RAP1B: variants seen among roughly 807,000 people sequenced by gnomAD.
The protein encoded by RAP1B is RAP1B, member of RAS oncogene family.
RAP1B carries 1 observed loss-of-function variant against 27.5 expected under a neutral mutation model. The ratio of observed to expected loss-of-function variants is 0.04; its 90% CI spans 0.01 to 0.17. The LOEUF is 0.17. RAP1B is among the 10% of genes least tolerant of loss of function. The pLI is 1.00. For missense variants in RAP1B, 84 were observed against 214.8 expected (o/e 0.39, Z 3.81); for synonymous variants, 75 against 73.1 (o/e 1.03, Z -0.13).
intron 2 of RAP1B, 59 bp downstream of exon 2, chr12:68,648,840 T>A (rs537398845): frequency 6.9e-7 from 1 of 1,449,926 alleles, no homozygotes; most frequent in African/African-American, 1.4e-5. Flanking sequence ...TTCTGTTGAG[T>A]TTTAGGTTTT....
intron 1 of RAP1B, chr12:68,627,054 C>T (rs756564762): frequency 8.2e-6 from 13 of 1,593,820 alleles, no homozygotes; most frequent in Admixed American, 1.7e-5. Flanking sequence ...GAACTTGGCC[C>T]TGCGCAGGGC....
At chr12:68,624,024 G>GAA (rs781541083) in intron 1 of RAP1B, among the ~76,000 whole-genome samples, 8 of 131,886 alleles carry the variant, frequency 6.1e-5, no homozygotes, top group Admixed American at 1.5e-4. Flanking sequence ...CTATCTCAGG[G>GAA]AAAAAAAAAA....
intron 1 of RAP1B, among the ~76,000 whole-genome samples, chr12:68,618,161 C>G (rs561060548): frequency 1.5e-5 from 2 of 131,404 alleles, no homozygotes; most frequent in African/African-American, 2.9e-5. Flanking sequence ...AATCTTCGCT[C>G]AGTGCAACCT....
At position 68,610,923 on chromosome 12, in the gene RAP1B, T is replaced by G; in HGVS notation, c.-147T>G. The G allele has an allele frequency of 9.7e-6, 3 of 308,074 alleles. No individual in the cohort carries two copies. The East Asian group carries it at 1.4e-4, about 14-fold the overall frequency. 19.1% of individuals were successfully genotyped at this position (308,074 alleles called of 1,614,324 possible). On this transcript the variant is annotated 5_prime_UTR_variant, in exon 1 of 8. In the 5' UTR this introduces an upstream ATG that the reference lacks. Coordinates refer to ENST00000250559, the MANE Select transcript of RAP1B (RefSeq NM_001010942.3). The stretch of plus-strand genomic sequence containing the variant: ...CGACATCGCCAAACCTCGCCCAGAT[T>G]CAGGCGTGTAAACCAGCCGGAGCGG...
chr12:68,641,363 C>G (rs906115727), intron 1 of RAP1B, among the ~76,000 whole-genome samples: 2 of 152,250 alleles, frequency 1.3e-5, no homozygotes, highest in African/African-American at 4.8e-5. Context: ...ACCGGACTCT[C>G]GACAATGCCA....
chr12:68,656,275 T>A (rs765650503), intron 5 of RAP1B, 31 bp from the exon 6 acceptor site: 1 of 1,559,894 alleles, frequency 6.4e-7, no homozygotes, highest in Non-Finnish European at 8.8e-7. Flanking sequence ...TATTTACTTA[T>A]TTATTTTTAC....
Position 68,652,536 on chromosome 12 carries a change from C to T in RAP1B, c.183+485C>T, listed in dbSNP as rs573492365. 3.9e-5 allele frequency among the ~76,000 whole-genome samples: 6 copies of T among 152,206 alleles called. No homozygotes were observed. In the East Asian group the frequency reaches 5.8e-4, roughly 15 times the overall value. On this transcript the variant is annotated intron_variant, in intron 4 of 7. Transcript: ENST00000250559. ...GTTGAATCCTTAATTTTATATTGGC[C>T]GGGCGCAGTGGCTCACGCCTGTAAT...
Position 68,662,034 on chromosome 12 carries a change from T to TATATATATA in RAP1B, c.*2792_*2793insTAATATATA, listed in dbSNP as rs1565677504. On this transcript the variant is annotated 3_prime_UTR_variant, in exon 8 of 8. Coordinates refer to ENST00000250559, the MANE Select transcript of RAP1B (RefSeq NM_001010942.3). ...TATATATATATATATATATATATAT[T>TATATATATA]ATATATAGTACATATATAGAGAGAG... 9.4e-5 allele frequency: 12 copies of TATATATATA among 127,796 alleles called. No homozygotes were observed. The highest frequency in any genetic ancestry group is 3.3e-4 in the African/African-American group (12 of 36,222). The allele number at this position is 127,796 out of a possible 1,614,324, so 7.9% of individuals were successfully genotyped here.
chr12:68,630,909 A>G (rs1215053065), intron 1 of RAP1B, among the ~76,000 whole-genome samples: 2 of 151,680 alleles, frequency 1.3e-5, no homozygotes, highest in African/African-American at 4.8e-5. Context: ...ACAGGTGTCA[A>G]CCACCGCATC....
In RAP1B at chr12:68,650,403, G is replaced by C; in HGVS notation, c.61G>C (p.Val21Leu). 6.5e-7 allele frequency: 1 copy of C among 1,550,342 alleles called. No homozygotes were observed. The highest frequency in any genetic ancestry group is 8.7e-7 in the Non-Finnish European group (1 of 1,145,590). Reference sequence around the variant, plus strand: ...GGTTTCTTAATTTTTTTTTCAGACTGTACAATTTGTTCAAGGAATTTTTGT... The same window carrying C: ...GGTTTCTTAATTTTTTTTTCAGACTCTACAATTTGTTCAAGGAATTTTTGT... Reference protein sequence around the residue: ...SGGVGKSALTVQFVQGIFVEK... With the variant: ...SGGVGKSALTLQFVQGIFVEK... The change falls in exon 3 of 8, where the codon GTA becomes CTA. Residue 21 changes from valine (V) to leucine (L), a missense_variant. By Grantham distance (32) the Val-to-Leu change is conservative. Coordinates refer to ENST00000250559, the MANE Select transcript of RAP1B (RefSeq NM_001010942.3).
chr12:68,629,062 T>C (rs1280836856), intron 1 of RAP1B, among the ~76,000 whole-genome samples: 1 of 152,240 alleles, frequency 6.6e-6, no homozygotes, highest in African/African-American at 2.4e-5. Flanking sequence ...TCTCACTCTG[T>C]TGCCCAGGCT....
chr12:68,616,438 ATTTTTT>A (rs142174644), intron 1 of RAP1B, among the ~76,000 whole-genome samples: 4 of 89,464 alleles, frequency 4.5e-5, no homozygotes, highest in South Asian at 4.7e-4. Flanking sequence ...TGCCTGGCTA[ATTTTTT>A]TTTTTTTTTT....
chr12:68,619,205 GC>G (rs1161723278), intron 1 of RAP1B, among the ~76,000 whole-genome samples: 2 of 152,174 alleles, frequency 1.3e-5, no homozygotes, highest in East Asian at 3.8e-4. Context: ...TTCATATAAT[GC>G]CATTTTTGCT....
At position 68,662,896 on chromosome 12, in the gene RAP1B, CAGA is replaced by C. The variant is rs1874678081; in HGVS notation, c.*3650_*3652del. On this transcript the variant is annotated 3_prime_UTR_variant, in exon 8 of 8. Transcript: ENST00000250559. The stretch of plus-strand genomic sequence containing the variant: ...GTCTGTACCTGTAGTCCCAGCTATT[CAGA>C]AGGATTGCTTGATCCCAGGAGATCA... 1 of 151,758 alleles carries C rather than the reference CAGA, an allele frequency of 6.6e-6. No homozygotes were observed. The highest frequency in any genetic ancestry group is 6.6e-5 in the Admixed American group (1 of 15,202). 9.4% of individuals were successfully genotyped at this position (151,758 alleles called of 1,614,324 possible). A position where few individuals can be genotyped will look rare whatever the true frequency, so the allele number is the denominator to read the frequency against.
intron 1 of RAP1B, among the ~76,000 whole-genome samples, chr12:68,627,957 A>G (rs184599805): frequency 6.6e-6 from 1 of 152,082 alleles, no homozygotes; most frequent in East Asian, 1.9e-4. Flanking sequence ...AAAAAAAAAA[A>G]TTTAATCAGG....
chr12:68,654,328 T>A (rs1240020059), intron 5 of RAP1B, 76 bp downstream of exon 5: 22 of 500,150 alleles, frequency 4.4e-5, no homozygotes, highest in African/African-American at 8.2e-5. Flanking sequence ...TTTAAATTCA[T>A]TTTAAAGCTT....
chr12:68,662,736 C>A lies in RAP1B; in HGVS notation c.*3487C>A, dbSNP rs560095039. 4 of 152,188 alleles carry A rather than the reference C, an allele frequency of 2.6e-5. No individual in the cohort carries two copies. In the South Asian group the frequency reaches 6.2e-4, roughly 24 times the overall value. The allele number at this position is 152,188 out of a possible 1,614,324, so 9.4% of individuals were successfully genotyped here. On this transcript the variant is annotated 3_prime_UTR_variant, in exon 8 of 8. Transcript: ENST00000250559. The stretch of plus-strand genomic sequence containing the variant: ...CTTGCAGGCTTGTCTCATAATCTGT[C>A]AGTGAGCCTTAACATTGTGATTTGT...
At chr12:68,639,843 A>ATT (rs749778636) in intron 1 of RAP1B, among the ~76,000 whole-genome samples, 2 of 141,732 alleles carry the variant, frequency 1.4e-5, no homozygotes, top group African/African-American at 5.2e-5. Context: ...CCCACCAAAG[A>ATT]TTTTTTTTTT....
rs921680720 is a variant in RAP1B at position 68,610,997 on chromosome 12, G to C, written c.-73G>C. 2.2e-4 allele frequency: 71 copies of C among 326,152 alleles called. No individual in the cohort carries two copies. The highest frequency in any genetic ancestry group is 3.0e-4 in the Non-Finnish European group (54 of 178,988). The allele number at this position is 326,152 out of a possible 1,614,324, so 20.2% of individuals were successfully genotyped here. On this transcript the variant is annotated 5_prime_UTR_variant, in exon 1 of 8. Coordinates refer to ENST00000250559, the MANE Select transcript of RAP1B (RefSeq NM_001010942.3). ...GGCGCCTAGAGTAGCGACCCGGGGGGAGCGCGGGGCGACGCTGGCTGCAGG... is the reference window on the plus strand; with the variant it reads ...GGCGCCTAGAGTAGCGACCCGGGGGCAGCGCGGGGCGACGCTGGCTGCAGG...
Sources: gnomAD v4.1 joint callset for allele counts (sites outside exome capture counted in the v4.1 genomes callset) on GRCh38, gnomAD v4.1.1 for gene constraint, MANE v1.5 for transcripts, NCBI Gene and HGNC (gene_info 2026-07-23, HGNC 2026-07-21) for gene names.